Variants in PXDNL observed in about 807,000 individuals in gnomAD.
PXDNL encodes the protein peroxidasin like, also known as probable oxidoreductase PXDNL.
PXDNL carries 145 observed loss-of-function variants against 150.8 expected under a neutral mutation model. That is an observed-to-expected ratio of 0.96 (90% CI 0.84 to 1.10). PXDNL has a LOEUF of 1.10. PXDNL is among the 50% of genes least tolerant of loss of function. The pLI, the probability that PXDNL is intolerant of heterozygous loss-of-function variation, is 0.00. For synonymous variants in PXDNL, 757 were observed against 725.7 expected (o/e 1.04, Z -0.69); for missense variants, 2,087 against 1,873.9 (o/e 1.11, Z -2.10).
At chr8:51,476,896 TAATC>T (rs1810491266) in intron 6 of PXDNL, among the ~76,000 whole-genome samples, 1 of 152,220 alleles carries the variant, frequency 6.6e-6, no homozygotes, top group African/African-American at 2.4e-5. Context: ...TAATAACTTT[TAATC>T]AAAATTATTC....
chr8:51,375,419 T>C (rs1286533145), intron 17 of PXDNL, among the ~76,000 whole-genome samples: 1 of 152,222 alleles, frequency 6.6e-6, no homozygotes. Context: ...CTCTCTACTC[T>C]AATGATAAAC....
At chr8:51,390,490 A>G (rs1053237703) in intron 17 of PXDNL, among the ~76,000 whole-genome samples, 3 of 152,232 alleles carry the variant, frequency 2.0e-5, no homozygotes, top group Non-Finnish European at 2.9e-5. Flanking sequence ...TCTGGATGAA[A>G]TAAGTACAAA....
chr8:51,549,427 C>T (rs77228257), intron 4 of PXDNL, among the ~76,000 whole-genome samples: 3,966 of 152,066 alleles, frequency 0.026, 91 homozygotes, highest in African/African-American at 0.06. Flanking sequence ...AACATTATGA[C>T]AGGCCACAAA....
intron 1 of PXDNL, among the ~76,000 whole-genome samples, chr8:51,687,280 T>C (rs570768469): frequency 6.6e-6 from 1 of 152,350 alleles, no homozygotes; most frequent in South Asian, 2.1e-4. Flanking sequence ...TTTGTCATTA[T>C]ATTTTAGGAG....
intron 8 of PXDNL, among the ~76,000 whole-genome samples, chr8:51,465,166 C>A (rs560413734): frequency 5.3e-4 from 81 of 152,176 alleles, no homozygotes; most frequent in Non-Finnish European, 8.8e-4. Context: ...AAAATGCTAG[C>A]AAACTGAATC....
chr8:51,409,021 G>T lies in PXDNL; in HGVS notation c.2603C>A (p.Ala868Glu). ...PCMLFARSSP[A>E]CASGRPSATV... ...CGCAGAGGGACGGCCGCTGGCACAC[G>T]CGGGGCTGGAGCGCGCGAAGAGCAT... is the stretch of plus-strand genomic sequence containing the variant. Residue 868 changes from alanine to glutamate, a missense_variant, in exon 17 of 23, where the codon GCG becomes GAG. Coordinates refer to ENST00000356297, the MANE Select transcript of PXDNL (RefSeq NM_144651.5). The T allele has an allele frequency of 6.2e-7, 1 of 1,610,824 alleles. No homozygotes were observed.
chr8:51,490,136 G>A (rs4147425), intron 5 of PXDNL, among the ~76,000 whole-genome samples: 145,618 of 152,304 alleles, frequency 0.96, 69,968 homozygotes, highest in East Asian at 1. Flanking sequence ...CAAAAATTAT[G>A]TAAGAAAATA....
rs1563304289 is a variant in PXDNL, at chr8:51,735,539, T to TG, written c.164+73641_164+73642insC. On this transcript the variant is annotated intron_variant, in intron 1 of 22. Coordinates refer to ENST00000356297, the MANE Select transcript of PXDNL (RefSeq NM_144651.5). ...TAATTAAAAATTGTTTTTTTTTTTT[T>TG]TTTTTTTTTTTTTTTTTTTTTTTTT... Among the ~76,000 whole-genome samples the TG allele has an allele frequency of 3.8e-4, 45 of 117,404 alleles. 1 individual carries two copies. Among genetic ancestry groups the TG allele is most frequent in the African/African-American group, 1.2e-3 (32 of 26,818 alleles). The allele number at this position is 117,404 out of a possible 152,430, so 77.0% of individuals were successfully genotyped here. A position where few individuals can be genotyped will look rare whatever the true frequency, so the allele number is the denominator to read the frequency against.
At chr8:51,419,210 G>C (rs1392914059) in intron 14 of PXDNL, among the ~76,000 whole-genome samples, 7 of 152,140 alleles carry the variant, frequency 4.6e-5, no homozygotes, top group Non-Finnish European at 8.8e-5. Flanking sequence ...ACATTGCCTA[G>C]CATTATTTTC....
intron 8 of PXDNL, among the ~76,000 whole-genome samples, chr8:51,461,074 T>G (rs1011419192): frequency 6.6e-6 from 1 of 152,128 alleles, no homozygotes; most frequent in East Asian, 1.9e-4. Context: ...GCCAGCAGCC[T>G]GAGAGCACTA....
intron 1 of PXDNL, among the ~76,000 whole-genome samples, chr8:51,741,502 C>G (rs2036906332): frequency 6.6e-6 from 1 of 151,964 alleles, no homozygotes; most frequent in Non-Finnish European, 1.5e-5. Flanking sequence ...AGGAAAGACA[C>G]AGGATCTAAA....
intron 3 of PXDNL, among the ~76,000 whole-genome samples, chr8:51,577,999 G>GAGGAAGGAAGGAAGGAAGGAAGGA (rs200324232): frequency 3.2e-5 from 1 of 31,550 alleles, no homozygotes. Flanking sequence ...AAGAAAGAAA[G>GAGGAAGGAAGGAAGGAAGGAAGGA]AGGAAGGAAG....
chr8:51,743,294 T>C (rs2036927110), intron 1 of PXDNL, among the ~76,000 whole-genome samples: 1 of 152,140 alleles, frequency 6.6e-6, no homozygotes, highest in African/African-American at 2.4e-5. Context: ...CTCGGCTCAC[T>C]GTAACCTCCG....
chr8:51,440,937 G>A (rs1809530995), intron 12 of PXDNL, among the ~76,000 whole-genome samples: 1 of 152,190 alleles, frequency 6.6e-6, no homozygotes, highest in Non-Finnish European at 1.5e-5. Context: ...GGTGACTGTG[G>A]GAGAGAGGGA....
chr8:51,484,522 A>T (rs1361813027), intron 5 of PXDNL, among the ~76,000 whole-genome samples: 5 of 151,878 alleles, frequency 3.3e-5, no homozygotes, highest in Non-Finnish European at 7.4e-5. Flanking sequence ...CAAATGTGGG[A>T]TCACATGGAG....
At chr8:51,637,941 C>T (rs1370596212) in intron 2 of PXDNL, among the ~76,000 whole-genome samples, 7 of 152,134 alleles carry the variant, frequency 4.6e-5, no homozygotes, top group Non-Finnish European at 1.0e-4. Flanking sequence ...ATGTTAAGGG[C>T]AGCCAGAGAG....
chr8:51,604,458 A>G (rs942846642), intron 2 of PXDNL, among the ~76,000 whole-genome samples: 2 of 152,304 alleles, frequency 1.3e-5, no homozygotes, highest in African/African-American at 4.8e-5. Flanking sequence ...ATGAGAACAC[A>G]TGGACACAGG....
chr8:51,678,802 G>A (rs1010346812), intron 1 of PXDNL, among the ~76,000 whole-genome samples: 2 of 152,018 alleles, frequency 1.3e-5, no homozygotes, highest in Admixed American at 6.6e-5. Flanking sequence ...CACCAGCATG[G>A]CACATGTATA....
chr8:51,348,391 C>A (rs559667738), intron 19 of PXDNL, among the ~76,000 whole-genome samples: 1 of 152,054 alleles, frequency 6.6e-6, no homozygotes, highest in Admixed American at 6.5e-5. Flanking sequence ...TGAACAGAAA[C>A]AACCCACCAG....
Sources: allele counts gnomAD v4.1 joint callset (sites outside exome capture counted in the v4.1 genomes callset), GRCh38; gene constraint gnomAD v4.1.1; transcripts MANE v1.5; gene names NCBI Gene and HGNC (gene_info 2026-07-23, HGNC 2026-07-21).